The following UPP2 variants were observed in gnomAD, a reference collection of about 807,000 sequenced individuals.
UPP2 encodes UPase 2.
In UPP2, 23 loss-of-function variants were observed where a neutral mutation model predicts 26.7. That is an observed-to-expected ratio of 0.86 (90% confidence interval 0.62 to 1.22). The LOEUF is 1.22. Ranked by LOEUF, UPP2 falls within the 50% of genes most tolerant of loss-of-function variation. The pLI is 0.00. For synonymous variants in UPP2, 127 were observed against 141.3 expected, an observed-to-expected ratio of 0.90 and a Z score of 0.72; for missense variants, 387 against 396.7, an observed-to-expected ratio of 0.98 and a Z score of 0.21.
intron 3 of UPP2, among the ~76,000 whole-genome samples, chr2:158,081,672 G>A (rs1212970734): frequency 3.3e-5 from 5 of 152,108 alleles, no homozygotes; most frequent in African/African-American, 1.2e-4. Context: ...CAACAACGTG[G>A]ATGGAACTGG....
At position 157,996,784 on chromosome 2, in the gene UPP2, A is replaced by G. The variant is rs116484833; in HGVS notation, c.61+1525A>G. On this transcript the variant is annotated intron_variant, in intron 2 of 9. Transcript: ENST00000605860. ...TGATTAAACTTCAATGAGAAGTTTA[A>G]TAGGAAAGTCTTTCTTATAAAGAAA... 8.7e-3 allele frequency among the ~76,000 whole-genome samples: 1,329 copies of G among 152,322 alleles called. 26 individuals are homozygous for G. Among genetic ancestry groups the G allele is most frequent in the African/African-American group, 0.03 (1,261 of 41,568 alleles).
chr2:157,996,299 T>C (rs1289528326), intron 2 of UPP2, among the ~76,000 whole-genome samples: 2 of 152,210 alleles, frequency 1.3e-5, no homozygotes, highest in African/African-American at 4.8e-5. Flanking sequence ...TGCCTAAACA[T>C]ACTTTTTTTT....
chr2:158,058,630 T>A (rs750908392), intron 3 of UPP2, among the ~76,000 whole-genome samples: 28 of 152,014 alleles, frequency 1.8e-4, no homozygotes, highest in Non-Finnish European at 2.9e-4. Context: ...TCTGTGGTAT[T>A]TTTTTTAAGA....
chr2:158,028,335 C>T (rs1390499162), intron 3 of UPP2, among the ~76,000 whole-genome samples: 3 of 152,062 alleles, frequency 2.0e-5, no homozygotes, highest in African/African-American at 7.2e-5. Flanking sequence ...TTCAAAGTTC[C>T]ACAAATCTCT....
At chr2:158,115,294 G>A in intron 3 of UPP2, 35 bp downstream of exon 3, 1 of 1,538,830 alleles carries the variant, frequency 6.5e-7, no homozygotes, top group Non-Finnish European at 8.8e-7. Flanking sequence ...GCTAGTCATT[G>A]CAGGCTAGAG....
chr2:158,121,354 T>C, intron 4 of UPP2, 55 bp from the exon 5 acceptor site: 1 of 1,513,812 alleles, frequency 6.6e-7, no homozygotes, highest in Non-Finnish European at 9.2e-7. Context: ...ATACTATGTG[T>C]CAAAAGTAAA....
intron 3 of UPP2, among the ~76,000 whole-genome samples, chr2:158,051,804 A>AACAAC (rs1682163869): frequency 1.5e-5 from 1 of 66,954 alleles, no homozygotes; most frequent in Admixed American, 1.6e-4. Flanking sequence ...ACAACAACAA[A>AACAAC]ACAAAACAAC....
chr2:158,103,550 G>A (rs10172773), intron 1 of UPP2, among the ~76,000 whole-genome samples: 3,767 of 152,244 alleles, frequency 0.025, 157 homozygotes, highest in African/African-American at 0.083. Context: ...GTAGAGCAAT[G>A]AGACTCTTTT....
chr2:158,108,885 AGC>A (rs955543713), intron 2 of UPP2, among the ~76,000 whole-genome samples: 3 of 122,894 alleles, frequency 2.4e-5, no homozygotes, highest in African/African-American at 1.0e-4. Flanking sequence ...AGGAGGCAAA[AGC>A]GTGTGTGTGT....
intron 3 of UPP2, among the ~76,000 whole-genome samples, chr2:158,089,262 G>A (rs956728904): frequency 8.5e-5 from 13 of 152,098 alleles, no homozygotes; most frequent in Non-Finnish European, 1.6e-4. Context: ...GAGAGTGGGG[G>A]AAAGTTGTTA....
chr2:158,042,202 C>T (rs1230485235), intron 3 of UPP2, among the ~76,000 whole-genome samples: 1 of 152,208 alleles, frequency 6.6e-6, no homozygotes, highest in Non-Finnish European at 1.5e-5. Context: ...TGGAGCATCT[C>T]ACCCCTTCCC....
chr2:158,053,847 T>C (rs1226015169), intron 3 of UPP2, among the ~76,000 whole-genome samples: 8 of 152,150 alleles, frequency 5.3e-5, no homozygotes, highest in African/African-American at 9.7e-5. Flanking sequence ...GCCTTCTTAA[T>C]TGGAAAAAGT....
chr2:158,102,006 T>C lies in UPP2; in HGVS notation c.-58T>C. On this transcript the variant is annotated 5_prime_UTR_variant, in exon 1 of 7. Coordinates refer to ENST00000005756, the MANE Select transcript of UPP2 (RefSeq NM_173355.4). Reference sequence around the variant, plus strand: ...ACTAGGTCTATAATTTAATAACAAGTCACAATATCTCTCTTTCTTGACATC... The same window carrying C: ...ACTAGGTCTATAATTTAATAACAAGCCACAATATCTCTCTTTCTTGACATC... The C allele has an allele frequency of 6.2e-7, 1 of 1,604,440 alleles. No homozygotes were observed. The highest frequency in any genetic ancestry group is 8.5e-7 in the Non-Finnish European group (1 of 1,176,536).
At chr2:158,086,728 A>G (rs548140003) in intron 3 of UPP2, among the ~76,000 whole-genome samples, 4 of 152,104 alleles carry the variant, frequency 2.6e-5, no homozygotes, top group East Asian at 1.9e-4. Flanking sequence ...TTTAATTTCC[A>G]TCTTGATTTC....
chr2:158,023,348 C>T (rs560531749), intron 3 of UPP2, among the ~76,000 whole-genome samples: 2 of 152,072 alleles, frequency 1.3e-5, no homozygotes, highest in South Asian at 2.1e-4. Flanking sequence ...CTCAGTGACA[C>T]TCCATAATAA....
At chr2:158,103,635 G>C (rs1657410899) in intron 1 of UPP2, among the ~76,000 whole-genome samples, 1 of 152,202 alleles carries the variant, frequency 6.6e-6, no homozygotes, top group Admixed American at 6.5e-5. Context: ...TCTTGGCAGA[G>C]TGAAACAGAA....
At chr2:158,012,822 C>T (rs1431633422) in intron 2 of UPP2, among the ~76,000 whole-genome samples, 1 of 152,022 alleles carries the variant, frequency 6.6e-6, no homozygotes, top group Non-Finnish European at 1.5e-5. Context: ...TGTACATATA[C>T]TTTAAACAAA....
intron 2 of UPP2, among the ~76,000 whole-genome samples, chr2:157,999,917 T>C (rs1342208719): frequency 6.6e-6 from 1 of 151,852 alleles, no homozygotes; most frequent in African/African-American, 2.4e-5. Context: ...GAGATGGAGA[T>C]TGCACTAGAG....
chr2:158,023,067 A>G (rs1683777460), intron 3 of UPP2, among the ~76,000 whole-genome samples: 1 of 148,462 alleles, frequency 6.7e-6, no homozygotes, highest in Non-Finnish European at 1.5e-5. Context: ...GCACCCAACA[A>G]GATGAATGCT....
Sources: gnomAD v4.1 joint callset for allele counts (sites outside exome capture counted in the v4.1 genomes callset) on GRCh38, gnomAD v4.1.1 for gene constraint, MANE v1.5 for transcripts, NCBI Gene and HGNC (gene_info 2026-07-23, HGNC 2026-07-21) for gene names.